ITSN1: variants seen among roughly 807,000 people sequenced by gnomAD.
ITSN1 encodes the protein intersectin 1, also known as intersectin-1.
Under a neutral mutation model 239.8 loss-of-function variants are expected in ITSN1, and 58 were observed. That is an observed-to-expected ratio of 0.24 (90% CI 0.20 to 0.30). The LOEUF is 0.30. Among genes scored for constraint, ITSN1 ranks in the 10% least tolerant of loss-of-function variants. ITSN1 has a pLI of 1.00. For synonymous variants in ITSN1, 780 were observed against 770.8 expected, an observed-to-expected ratio of 1.01 and a Z score of -0.20; for missense variants, 1,558 against 2,103.3, an observed-to-expected ratio of 0.74 and a Z score of 5.07.
At chr21:33,661,172 A>G (rs117550691) in intron 1 of ITSN1, among the ~76,000 whole-genome samples, 2 of 152,214 alleles carry the variant, frequency 1.3e-5, no homozygotes, top group African/African-American at 4.8e-5. Context: ...AAACTGTGCC[A>G]GATACCCAAA....
chr21:33,688,341 C>T (rs972720751), intron 1 of ITSN1, among the ~76,000 whole-genome samples: 1 of 152,154 alleles, frequency 6.6e-6, no homozygotes, highest in African/African-American at 2.4e-5. Flanking sequence ...CCCAAACATT[C>T]GTAGGACTAC....
chr21:33,840,506 G>C (rs1057228898), intron 29 of ITSN1, among the ~76,000 whole-genome samples: 10 of 152,138 alleles, frequency 6.6e-5, no homozygotes, highest in African/African-American at 2.4e-4. Flanking sequence ...TGGGATTACA[G>C]GCATGCACGT....
chr21:33,749,975 C>T, intron 5 of ITSN1, 168 bp from the exon 6 acceptor site: 1 of 644,066 alleles, frequency 1.6e-6, no homozygotes, highest in Non-Finnish European at 2.7e-6. Context: ...TGATGTGATC[C>T]TTGACATAAT....
intron 16 of ITSN1, among the ~76,000 whole-genome samples, chr21:33,791,234 A>G (rs1029157280): frequency 2.0e-5 from 3 of 152,186 alleles, no homozygotes; most frequent in Admixed American, 2.0e-4. Context: ...TTTCCTTACA[A>G]CTGTGTATCT....
chr21:33,816,390 A>G (rs1451322407), intron 22 of ITSN1, among the ~76,000 whole-genome samples: 1 of 152,138 alleles, frequency 6.6e-6, no homozygotes, highest in African/African-American at 2.4e-5. Flanking sequence ...CTCCCCACCT[A>G]CACACATCTT....
intron 20 of ITSN1, among the ~76,000 whole-genome samples, chr21:33,808,898 G>A (rs1039135586): frequency 6.6e-6 from 1 of 152,154 alleles, no homozygotes; most frequent in African/African-American, 2.4e-5. Flanking sequence ...TTTGGTCCTA[G>A]AACCAAGGTG....
rs1450761083 is a variant in ITSN1 at position 33,893,743 on chromosome 21, A to G, written c.*5443A>G. 1.3e-5 allele frequency: 2 copies of G among 152,192 alleles called. No individual in the cohort carries two copies. The highest frequency in any genetic ancestry group is 2.4e-5 in the African/African-American group (1 of 41,434). 9.4% of individuals were successfully genotyped at this position (152,192 alleles called of 1,614,324 possible). ...CAGTTTATTTGAGCTAGAGGAAAGG[A>G]AAGTTCTAGAATTCCTGTTTCCTCA... On this transcript the variant is annotated 3_prime_UTR_variant, in exon 40 of 40. Transcript: ENST00000381318.
chr21:33,897,694 T>C lies in ITSN1; in HGVS notation c.*9394T>C, dbSNP rs1045023544. On this transcript the variant is annotated 3_prime_UTR_variant, in exon 40 of 40. Transcript: ENST00000381318. ...GTAGTCAAAAATATTTAACTTGTTATTGTAAAATGTGATTTGTCATTGAGA... is the reference window on the plus strand; with the variant it reads ...GTAGTCAAAAATATTTAACTTGTTACTGTAAAATGTGATTTGTCATTGAGA... 1 of 152,236 alleles carries C rather than the reference T, an allele frequency of 6.6e-6. No homozygotes were observed. Among genetic ancestry groups the C allele is most frequent in the African/African-American group, 2.4e-5 (1 of 41,470 alleles). 9.4% of individuals were successfully genotyped at this position (152,236 alleles called of 1,614,324 possible).
At chr21:33,726,409 A>C (rs2065835415) in intron 4 of ITSN1, among the ~76,000 whole-genome samples, 2 of 152,134 alleles carry the variant, frequency 1.3e-5, no homozygotes, top group South Asian at 4.1e-4. Flanking sequence ...TCCCAGGGTA[A>C]GTCCTTACTC....
In ITSN1 at chr21:33,797,495, A is replaced by C. The variant is rs1278708747; in HGVS notation, c.2069A>C (p.Lys690Thr). 1 of 1,614,206 alleles carries C rather than the reference A, an allele frequency of 6.2e-7. No individual in the cohort carries two copies. Among genetic ancestry groups the C allele is most frequent in the East Asian group, 2.2e-5 (1 of 44,876 alleles). The change falls in exon 18 of 40, where the codon AAG becomes ACG. Residue 690 changes from lysine to threonine, a missense_variant. Physicochemically the swap from Lys to Thr is moderately conservative, Grantham distance 78 (BLOSUM62 -1). This residue lies in a region of ITSN1 where 982 missense variants were observed against 1,209.9 expected (regional missense o/e 0.81). Coordinates refer to ENST00000381318, the MANE Select transcript of ITSN1 (RefSeq NM_003024.3). The surrounding 1 kb of genome is among the most constrained non-coding windows in gnomAD (Gnocchi z 4.9). ...EKLKREESVK[K>T]KDGEEKGKQE... ...CTGAAAAGGGAGGAGAGTGTCAAAA[A>C]GAAGGATGGCGAGGAAAAAGGCAAA... is the stretch of plus-strand genomic sequence containing the variant.
At chr21:33,664,979 A>T (rs2089829875) in intron 1 of ITSN1, among the ~76,000 whole-genome samples, 1 of 148,364 alleles carries the variant, frequency 6.7e-6, no homozygotes, top group African/African-American at 2.5e-5. Flanking sequence ...ATTAGACATA[A>T]CGTGGCCAGG....
intron 17 of ITSN1, among the ~76,000 whole-genome samples, chr21:33,796,417 T>C (rs1406695455): frequency 6.6e-6 from 1 of 152,270 alleles, no homozygotes; most frequent in African/African-American, 2.4e-5. Context: ...CATTAAAATA[T>C]CACATTCATA....
chr21:33,718,732 G>A, intron 1 of ITSN1, 65 bp from the exon 2 acceptor site: 1 of 984,098 alleles, frequency 1.0e-6, no homozygotes, highest in Admixed American at 1.8e-5. Flanking sequence ...ATAGCATGTT[G>A]GTGTGTTTAT....
chr21:33,652,081 G>A (rs1294969054), intron 1 of ITSN1, among the ~76,000 whole-genome samples: 1 of 152,172 alleles, frequency 6.6e-6, no homozygotes, highest in Non-Finnish European at 1.5e-5. Flanking sequence ...CAGTGATAAT[G>A]ACTGTTAATA....
At chr21:33,660,014 T>A (rs948804410) in intron 1 of ITSN1, among the ~76,000 whole-genome samples, 1 of 152,112 alleles carries the variant, frequency 6.6e-6, no homozygotes, top group Non-Finnish European at 1.5e-5. Context: ...CAGCCTGGAT[T>A]CTATCTGATG....
chr21:33,740,964 G>A (rs965069405), intron 5 of ITSN1, among the ~76,000 whole-genome samples: 3 of 152,132 alleles, frequency 2.0e-5, no homozygotes, highest in African/African-American at 7.2e-5. Flanking sequence ...CTGTAAAATG[G>A]AAAAATTATT....
chr21:33,716,789 TAAAAATAC>T (rs1466842940), intron 1 of ITSN1, among the ~76,000 whole-genome samples: 1 of 151,242 alleles, frequency 6.6e-6, no homozygotes, highest in Non-Finnish European at 1.5e-5. Context: ...CCATCTCTAC[TAAAAATAC>T]AAAAATTAGC....
intron 29 of ITSN1, among the ~76,000 whole-genome samples, chr21:33,839,796 A>G (rs2074760937): frequency 6.6e-6 from 1 of 152,180 alleles, no homozygotes; most frequent in African/African-American, 2.4e-5. Context: ...TTTCCCCTAC[A>G]AATCATTGAG....
intron 33 of ITSN1, among the ~76,000 whole-genome samples, chr21:33,869,375 AACTC>A (rs1406747093): frequency 2.6e-5 from 4 of 152,212 alleles, no homozygotes; most frequent in African/African-American, 9.6e-5. Flanking sequence ...ATATTGTGAG[AACTC>A]ACTCACTCTC....
Sources: allele counts gnomAD v4.1 joint callset (sites outside exome capture counted in the v4.1 genomes callset), GRCh38; gene constraint gnomAD v4.1.1; regional missense constraint gnomAD v4.1.1; non-coding constraint Gnocchi (gnomAD v3.1); transcripts MANE v1.5; gene names NCBI Gene and HGNC (gene_info 2026-07-23, HGNC 2026-07-21).